Variants in RNF220 observed in about 807,000 individuals in gnomAD.
The protein encoded by RNF220 is E3 ubiquitin-protein ligase RNF220.
Under a neutral mutation model 67.1 loss-of-function variants are expected in RNF220, and 7 were observed. The ratio of observed to expected loss-of-function variants is 0.10; its 90% CI spans 0.06 to 0.20. RNF220 has a LOEUF of 0.20. Ranked by LOEUF, RNF220 falls within the 10% of genes least tolerant of loss-of-function variation. The pLI, the probability that RNF220 is intolerant of heterozygous loss-of-function variation, is 1.00. For missense variants in RNF220, 565 were observed against 740.3 expected (o/e 0.76, Z 2.75); for synonymous variants, 270 against 283.2 (o/e 0.95, Z 0.47).
chr1:44,474,478 G>A (rs1002295363), intron 2 of RNF220, among the ~76,000 whole-genome samples: 4 of 151,486 alleles, frequency 2.6e-5, no homozygotes, highest in African/African-American at 9.7e-5. Flanking sequence ...GGAGGCCAAG[G>A]AGGGAGAATC....
chr1:44,598,716 G>A (rs1666714534), intron 2 of RNF220, among the ~76,000 whole-genome samples: 1 of 152,070 alleles, frequency 6.6e-6, no homozygotes, highest in African/African-American at 2.4e-5. Flanking sequence ...TTTGCTGTCT[G>A]GTTATGTTCA....
intron 2 of RNF220, among the ~76,000 whole-genome samples, chr1:44,485,156 G>A (rs1373873093): frequency 6.6e-6 from 1 of 152,152 alleles, no homozygotes; most frequent in East Asian, 1.9e-4. Flanking sequence ...AAAGAAAAGA[G>A]TTGCTTAGGT....
Position 44,650,878 on chromosome 1 carries a change from A to G in RNF220, c.*103A>G. On this transcript the variant is annotated 3_prime_UTR_variant, in exon 15 of 15. Transcript: ENST00000361799. This position sits in a 1 kb window ranked among gnomAD's most constrained non-coding sequence, Gnocchi z 4.3. Reference sequence around the variant, plus strand: ...GTACATACTTGCACACAGGTTCCCCATGTACATACATGCACATACTCAAAC... The same window carrying G: ...GTACATACTTGCACACAGGTTCCCCGTGTACATACATGCACATACTCAAAC... 6 of 957,266 alleles carry G rather than the reference A, an allele frequency of 6.3e-6. No homozygotes were observed. Among genetic ancestry groups the G allele is most frequent in the South Asian group, 3.9e-5 (3 of 76,520 alleles). The allele number at this position is 957,266 out of a possible 1,614,324, so 59.3% of individuals were successfully genotyped here. A position where few individuals can be genotyped will look rare whatever the true frequency, so the allele number is the denominator to read the frequency against.
chr1:44,557,493 G>A (rs1248026525), intron 2 of RNF220, among the ~76,000 whole-genome samples: 1 of 151,974 alleles, frequency 6.6e-6, no homozygotes, highest in Non-Finnish European at 1.5e-5. Context: ...TTTACATCTT[G>A]CACAATGCTT....
intron 6 of RNF220, chr1:44,632,682 C>A: frequency 1.9e-6 from 1 of 536,266 alleles, no homozygotes; most frequent in Non-Finnish European, 3.4e-6. Flanking sequence ...CTCGGGAGCT[C>A]AGCTTTGAAT....
intron 2 of RNF220, among the ~76,000 whole-genome samples, chr1:44,462,872 C>CAA (rs1653918129): frequency 6.6e-6 from 1 of 151,422 alleles, no homozygotes; most frequent in African/African-American, 2.4e-5. Flanking sequence ...ACTAAAAATA[C>CAA]AAAAATTAGC....
rs372986103 is a variant in RNF220, at chr1:44,626,285, T to C, written c.805-12T>C. 149 of 1,610,976 alleles carry C rather than the reference T, an allele frequency of 9.2e-5. No individual in the cohort carries two copies. Among genetic ancestry groups the C allele is most frequent in the Non-Finnish European group, 1.2e-4 (142 of 1,177,324 alleles). On this transcript the variant is annotated splice_polypyrimidine_tract_variant and intron_variant, in intron 4 of 14. Coordinates refer to ENST00000361799, the MANE Select transcript of RNF220 (RefSeq NM_018150.4). ...TTTGGCCTGAGGCCACATGTCTTTT[T>C]TCTTCTTCCAGTCCCTCCTGTTGTC...
At chr1:44,576,738 A>G (rs899561671) in intron 2 of RNF220, among the ~76,000 whole-genome samples, 28 of 152,376 alleles carry the variant, frequency 1.8e-4, no homozygotes, top group African/African-American at 6.5e-4. Flanking sequence ...AAAAAAGCTG[A>G]GTAAACAAAG....
chr1:44,642,546 G>A (rs1277124567), intron 8 of RNF220, among the ~76,000 whole-genome samples: 1 of 152,174 alleles, frequency 6.6e-6, no homozygotes, highest in South Asian at 2.1e-4. Context: ...AGGCATGGGG[G>A]CATGAGAAAG....
At chr1:44,579,018 T>C (rs1665037787) in intron 2 of RNF220, among the ~76,000 whole-genome samples, 1 of 151,608 alleles carries the variant, frequency 6.6e-6, no homozygotes, top group South Asian at 2.1e-4. Context: ...ACAAAAAAAT[T>C]ACAGGCAGGC....
chr1:44,461,924 G>GTTTTTTTTTTTTTTTTTTTTT (rs201661366), intron 2 of RNF220, among the ~76,000 whole-genome samples: 2 of 123,562 alleles, frequency 1.6e-5, no homozygotes, highest in African/African-American at 3.1e-5. Flanking sequence ...TTTTTTCTTT[G>GTTTTTTTTTTTTTTTTTTTTT]TTTTTTTTTT....
intron 6 of RNF220, among the ~76,000 whole-genome samples, chr1:44,634,905 G>A (rs1443297341): frequency 6.6e-6 from 1 of 152,138 alleles, no homozygotes; most frequent in East Asian, 1.9e-4. Context: ...TGCCTTCTCA[G>A]GGTTCCCTGA....
At chr1:44,426,172 T>G (rs544133070) in intron 2 of RNF220, among the ~76,000 whole-genome samples, 1 of 152,346 alleles carries the variant, frequency 6.6e-6, no homozygotes, top group South Asian at 2.1e-4. Context: ...CCAGGGCCAG[T>G]GACTCTATTC....
At chr1:44,625,815 G>A (rs1315987036) in intron 4 of RNF220, among the ~76,000 whole-genome samples, 7 of 151,882 alleles carry the variant, frequency 4.6e-5, no homozygotes, top group African/African-American at 9.7e-5. Context: ...CCGTAGCACC[G>A]GGATAAATGG....
At chr1:44,626,514 G>C (rs1643943078) in intron 5 of RNF220, 116 bp downstream of exon 5, 2 of 802,368 alleles carry the variant, frequency 2.5e-6, no homozygotes, top group Non-Finnish European at 4.2e-6. Context: ...GGCCTGAACT[G>C]GGTTTGGTTC....
intron 2 of RNF220, among the ~76,000 whole-genome samples, chr1:44,580,030 CAAAAAAAAAAAAAAAA>C (rs61499825): frequency 3.1e-5 from 2 of 65,240 alleles, no homozygotes; most frequent in African/African-American, 4.6e-5. Context: ...CCCTGTCTCA[CAAAAAAAAAAAAAAAA>C]AAAAAAAAAA....
At chr1:44,413,312 G>A (rs762042181) in intron 2 of RNF220, among the ~76,000 whole-genome samples, 16 of 152,158 alleles carry the variant, frequency 1.1e-4, no homozygotes, top group Non-Finnish European at 1.0e-4. Flanking sequence ...CTAGAAAGCC[G>A]ACTTCTCTTG....
At position 44,624,014 on chromosome 1, in the gene RNF220, A is replaced by G. The variant is rs890882572; in HGVS notation, c.804+1227A>G. 3.9e-5 allele frequency among the ~76,000 whole-genome samples: 6 copies of G among 152,238 alleles called. No individual in the cohort carries two copies. The highest frequency in any genetic ancestry group is 5.9e-5 in the Non-Finnish European group (4 of 68,038). On this transcript the variant is annotated intron_variant, in intron 4 of 14. Transcript: ENST00000361799. The surrounding 1 kb of genome is among the most constrained non-coding windows in gnomAD (Gnocchi z 4.2). ...ACCCAAATACCCTGCAAGCCTTTCAAAGGTATAGGAATGGATCGTGTACCT... is the reference window on the plus strand; with the variant it reads ...ACCCAAATACCCTGCAAGCCTTTCAGAGGTATAGGAATGGATCGTGTACCT...
chr1:44,568,845 T>C (rs528854576), intron 2 of RNF220, among the ~76,000 whole-genome samples: 1 of 152,272 alleles, frequency 6.6e-6, no homozygotes, highest in East Asian at 1.9e-4. Flanking sequence ...GGGGATTCCA[T>C]GGGAAGGCTT....
Sources: allele counts gnomAD v4.1 joint callset (sites outside exome capture counted in the v4.1 genomes callset), GRCh38; gene constraint gnomAD v4.1.1; non-coding constraint Gnocchi (gnomAD v3.1); transcripts MANE v1.5; gene names NCBI Gene and HGNC (gene_info 2026-07-23, HGNC 2026-07-21).